The following CERS6 variants were observed in gnomAD, a reference collection of about 807,000 sequenced individuals.
CERS6 encodes ceramide synthase 6, also known as LAG1 homolog, ceramide synthase 6.
Under a neutral mutation model 56.8 loss-of-function variants are expected in CERS6, and 26 were observed. The observed-to-expected ratio is 0.46, with a 90% CI of 0.34 to 0.63. CERS6 has a LOEUF of 0.63. CERS6 is among the 30% of genes least tolerant of loss of function. The pLI, the probability that CERS6 is intolerant of heterozygous loss-of-function variation, is 0.01. For synonymous variants in CERS6, 164 were observed against 173.3 expected (o/e 0.95, Z 0.42); for missense variants, 415 against 467.5 (o/e 0.89, Z 1.04).
At chr2:168,625,779 C>A (rs1403180086) in intron 3 of CERS6, among the ~76,000 whole-genome samples, 3 of 152,010 alleles carry the variant, frequency 2.0e-5, no homozygotes, top group African/African-American at 7.2e-5. Context: ...AGAGAAAAAC[C>A]CTCTGGGTAA....
chr2:168,495,940 A>G (rs912940988), intron 1 of CERS6, among the ~76,000 whole-genome samples: 9 of 152,134 alleles, frequency 5.9e-5, no homozygotes, highest in East Asian at 1.9e-4. Flanking sequence ...CTGTCTCCCA[A>G]CTACCCAGGT....
At chr2:168,543,853 A>G (rs566626697) in intron 1 of CERS6, among the ~76,000 whole-genome samples, 15 of 152,204 alleles carry the variant, frequency 9.9e-5, no homozygotes, top group Non-Finnish European at 2.1e-4. Flanking sequence ...TAGGGACAAT[A>G]AGTATTAAAG....
intron 6 of CERS6, among the ~76,000 whole-genome samples, chr2:168,711,329 A>G (rs1238481911): frequency 2.0e-5 from 3 of 152,228 alleles, no homozygotes; most frequent in East Asian, 3.8e-4. Flanking sequence ...TCCCCGCCAC[A>G]TATACACAAA....
In CERS6 at chr2:168,465,358, C is replaced by A. The variant is rs184218107; in HGVS notation, c.170+8740C>A. Among the ~76,000 whole-genome samples the A allele has an allele frequency of 2.2e-4, 33 of 152,276 alleles. No individual in the cohort carries two copies. In the East Asian group the frequency reaches 5.6e-3, roughly 26 times the overall value. ...GCACTTTCTTACTGTATTCTCACATCACGGAAGGGGCGAGGTGGCTCTGGG... is the reference window on the plus strand; with the variant it reads ...GCACTTTCTTACTGTATTCTCACATAACGGAAGGGGCGAGGTGGCTCTGGG... On this transcript the variant is annotated intron_variant, in intron 1 of 9. Transcript: ENST00000305747.
chr2:168,647,640 C>A (rs527244584), intron 4 of CERS6, among the ~76,000 whole-genome samples: 1 of 152,248 alleles, frequency 6.6e-6, no homozygotes, highest in Non-Finnish European at 1.5e-5. Flanking sequence ...ATAATGTTGG[C>A]TGTGGGTTTG....
Position 168,748,742 on chromosome 2 carries a change from C to G in CERS6, c.846-16850C>G, listed in dbSNP as rs139911541. Among the ~76,000 whole-genome samples, 831 of 151,006 alleles carry G rather than the reference C, an allele frequency of 5.5e-3. 2 individuals are homozygous for G. The highest frequency in any genetic ancestry group is 0.017 in the Middle Eastern group (5 of 290). Reference sequence around the variant, plus strand: ...CAGATCTCAGGCTCTGAGTTTTGCACAGGGACTTCCCTCTCCCAAGGTCTA... The same window carrying G: ...CAGATCTCAGGCTCTGAGTTTTGCAGAGGGACTTCCCTCTCCCAAGGTCTA... On this transcript the variant is annotated intron_variant, in intron 8 of 9. Transcript: ENST00000305747.
At chr2:168,711,394 A>G (rs779924378) in intron 6 of CERS6, among the ~76,000 whole-genome samples, 7 of 152,254 alleles carry the variant, frequency 4.6e-5, no homozygotes, top group Non-Finnish European at 1.0e-4. Flanking sequence ...TATGAAGCCT[A>G]GAATTATAGA....
chr2:168,555,671 G>A (rs1381959337), intron 2 of CERS6, among the ~76,000 whole-genome samples: 1 of 150,344 alleles, frequency 6.7e-6, no homozygotes, highest in Non-Finnish European at 1.5e-5. Context: ...TGGGGCAGAT[G>A]TAATAGAAAA....
At chr2:168,524,393 G>T (rs1012436702) in intron 1 of CERS6, among the ~76,000 whole-genome samples, 3 of 151,722 alleles carry the variant, frequency 2.0e-5, no homozygotes, top group Non-Finnish European at 2.9e-5. Flanking sequence ...AAAAAGACGT[G>T]GTGATTGTGA....
chr2:168,494,835 C>G (rs1694437496), intron 1 of CERS6, among the ~76,000 whole-genome samples: 1 of 152,150 alleles, frequency 6.6e-6, no homozygotes, highest in Non-Finnish European at 1.5e-5. Flanking sequence ...TTCATTTAAC[C>G]CAACACAAAG....
In CERS6 at chr2:168,577,124, G is replaced by A. The variant is rs184006242; in HGVS notation, c.407+15802G>A. ...GTGAATAGATAGTGTGTAAAGCCTC[G>A]AGACGGTGCGAGATCTCAAAGAGAG... On this transcript the variant is annotated intron_variant, in intron 3 of 9. Transcript: ENST00000305747. Among the ~76,000 whole-genome samples the A allele has an allele frequency of 3.5e-4, 53 of 152,278 alleles. No homozygotes were observed. The East Asian group carries it at 6.9e-3, about 20-fold the overall frequency.
chr2:168,744,473 C>T (rs62175679), intron 8 of CERS6, among the ~76,000 whole-genome samples: 5,713 of 152,136 alleles, frequency 0.038, 141 homozygotes, highest in African/African-American at 0.066. Context: ...TTCAGACCCT[C>T]GCTTCAAAAG....
At chr2:168,707,705 G>A (rs1005519237) in intron 6 of CERS6, among the ~76,000 whole-genome samples, 3 of 152,080 alleles carry the variant, frequency 2.0e-5, no homozygotes, top group Non-Finnish European at 2.9e-5. Flanking sequence ...GTAAGAGATG[G>A]TTATGATTCT....
At chr2:168,519,056 G>T (rs1009247885) in intron 1 of CERS6, among the ~76,000 whole-genome samples, 1 of 152,144 alleles carries the variant, frequency 6.6e-6, no homozygotes, top group Non-Finnish European at 1.5e-5. Context: ...AAATCCTCCA[G>T]GAGATTGTGT....
chr2:168,630,007 G>C (rs943593493), intron 3 of CERS6, among the ~76,000 whole-genome samples: 3 of 151,770 alleles, frequency 2.0e-5, no homozygotes, highest in Admixed American at 2.0e-4. Context: ...TATTAGAGAC[G>C]GGATTTCACC....
chr2:168,759,019 A>G (rs1275609091), intron 8 of CERS6, among the ~76,000 whole-genome samples: 1 of 152,174 alleles, frequency 6.6e-6, no homozygotes, highest in African/African-American at 2.4e-5. Context: ...TATGTCTATG[A>G]TGATCAAAGT....
At chr2:168,605,759 A>C (rs1446597173) in intron 3 of CERS6, among the ~76,000 whole-genome samples, 1 of 152,154 alleles carries the variant, frequency 6.6e-6, no homozygotes, top group East Asian at 1.9e-4. Context: ...TGCCAGTCAT[A>C]AGCCTTGGTA....
intron 6 of CERS6, among the ~76,000 whole-genome samples, chr2:168,700,523 G>A (rs1225016558): frequency 2.6e-5 from 4 of 152,054 alleles, no homozygotes; most frequent in Non-Finnish European, 5.9e-5. Flanking sequence ...AAGGGAGAAA[G>A]GTTACATATT....
At chr2:168,580,687 T>G (rs972985448) in intron 3 of CERS6, among the ~76,000 whole-genome samples, 1 of 152,188 alleles carries the variant, frequency 6.6e-6, no homozygotes, top group African/African-American at 2.4e-5. Flanking sequence ...CCTTGAGGCC[T>G]GCTAGAGATG....
Sources: allele counts gnomAD v4.1 joint callset (sites outside exome capture counted in the v4.1 genomes callset), GRCh38; gene constraint gnomAD v4.1.1; transcripts MANE v1.5; gene names NCBI Gene and HGNC (gene_info 2026-07-23, HGNC 2026-07-21).